LRRC4C: variants seen among roughly 807,000 people sequenced by gnomAD.
LRRC4C encodes the protein leucine-rich repeat-containing protein 4C.
Under a neutral mutation model 33.6 loss-of-function variants are expected in LRRC4C, and 5 were observed. The ratio of observed to expected loss-of-function variants is 0.15; its 90% CI spans 0.08 to 0.31. The LOEUF is 0.31. Ranked by LOEUF, LRRC4C falls within the 10% of genes least tolerant of loss-of-function variation. LRRC4C has a pLI of 1.00. For synonymous variants in LRRC4C, 329 were observed against 302.0 expected (o/e 1.09, Z -0.93); for missense variants, 560 against 796.7 (o/e 0.70, Z 3.58).
At chr11:40,614,570 T>G (rs1274615370) in intron 3 of LRRC4C, among the ~76,000 whole-genome samples, 2 of 151,738 alleles carry the variant, frequency 1.3e-5, no homozygotes, top group Non-Finnish European at 3.0e-5. Flanking sequence ...TCAACGACTT[T>G]TTTTTTTCTA....
intron 1 of LRRC4C, among the ~76,000 whole-genome samples, chr11:41,442,468 T>TTTTTTTTTTTTTTTTTTTTTTTTTTTTC (rs1955658506): frequency 9.4e-6 from 1 of 106,534 alleles, no homozygotes; most frequent in Non-Finnish European, 1.9e-5. Context: ...CTTTTTTTTT[T>TTTTTTTTTTTTTTTTTTTTTTTTTTTTC]TTTTTTTTTT....
intron 1 of LRRC4C, among the ~76,000 whole-genome samples, chr11:41,304,768 T>TG (rs1950426215): frequency 1.2e-5 from 1 of 81,374 alleles, no homozygotes. Flanking sequence ...GGGAGGGAGG[T>TG]GGGGGGGTCA....
chr11:41,222,541 T>C (rs781057097), intron 1 of LRRC4C, among the ~76,000 whole-genome samples: 6 of 152,080 alleles, frequency 3.9e-5, no homozygotes, highest in Non-Finnish European at 7.4e-5. Flanking sequence ...GACTCCGATC[T>C]CACCAAGGGA....
intron 4 of LRRC4C, among the ~76,000 whole-genome samples, chr11:40,311,658 C>A (rs1945311252): frequency 6.6e-6 from 1 of 152,102 alleles, no homozygotes; most frequent in Non-Finnish European, 1.5e-5. Context: ...TTAAAATGTG[C>A]TTTTCTGACC....
At chr11:41,420,662 C>G (rs1191096810) in intron 1 of LRRC4C, among the ~76,000 whole-genome samples, 2 of 151,972 alleles carry the variant, frequency 1.3e-5, no homozygotes, top group Non-Finnish European at 2.9e-5. Flanking sequence ...ACATTAAAAT[C>G]CAGGATCCAG....
At chr11:40,274,131 A>C (rs890553726) in intron 4 of LRRC4C, among the ~76,000 whole-genome samples, 3 of 152,054 alleles carry the variant, frequency 2.0e-5, no homozygotes, top group Admixed American at 6.6e-5. Context: ...TGTGGTCACA[A>C]AGAATGGCAT....
At chr11:40,844,468 T>C (rs1953065020) in intron 2 of LRRC4C, among the ~76,000 whole-genome samples, 1 of 152,158 alleles carries the variant, frequency 6.6e-6, no homozygotes, top group African/African-American at 2.4e-5. Flanking sequence ...GGCCCTTCTC[T>C]TTCCTTTGGA....
intron 2 of LRRC4C, among the ~76,000 whole-genome samples, chr11:40,747,530 G>A (rs1446666580): frequency 1.3e-5 from 2 of 152,062 alleles, no homozygotes; most frequent in African/African-American, 2.4e-5. Context: ...ACCACCGAAG[G>A]AGCGTGATAA....
chr11:41,328,749 C>G (rs1416895279), intron 1 of LRRC4C, among the ~76,000 whole-genome samples: 2 of 152,200 alleles, frequency 1.3e-5, no homozygotes, highest in African/African-American at 2.4e-5. Context: ...ACATGTCTCT[C>G]TCAGATCTGT....
chr11:41,109,188 G>A (rs1258746411), intron 1 of LRRC4C, among the ~76,000 whole-genome samples: 1 of 151,740 alleles, frequency 6.6e-6, no homozygotes, highest in African/African-American at 2.4e-5. Context: ...CAGTCATTTA[G>A]TTACCCTGTA....
chr11:40,267,462 C>G (rs1361823447), intron 4 of LRRC4C, among the ~76,000 whole-genome samples: 1 of 152,170 alleles, frequency 6.6e-6, no homozygotes, highest in African/African-American at 2.4e-5. Context: ...CGCCATTCTC[C>G]TGCCTCAGCC....
chr11:41,357,041 C>T (rs1159987127), intron 1 of LRRC4C, among the ~76,000 whole-genome samples: 1 of 151,246 alleles, frequency 6.6e-6, no homozygotes, highest in Non-Finnish European at 1.5e-5. Flanking sequence ...TTGTTTAACC[C>T]AGAAATTAAA....
intron 1 of LRRC4C, among the ~76,000 whole-genome samples, chr11:41,128,148 A>G (rs1942837282): frequency 1.3e-5 from 2 of 152,106 alleles, no homozygotes; most frequent in African/African-American, 2.4e-5. Flanking sequence ...AAATAATTAG[A>G]AGACTATAAT....
chr11:40,859,338 C>T (rs979387518), intron 2 of LRRC4C, among the ~76,000 whole-genome samples: 3 of 151,288 alleles, frequency 2.0e-5, no homozygotes, highest in Admixed American at 6.6e-5. Context: ...ATAGAAAGTC[C>T]GTAGTAATGA....
intron 1 of LRRC4C, among the ~76,000 whole-genome samples, chr11:41,167,762 G>A (rs1213262856): frequency 6.6e-6 from 1 of 152,080 alleles, no homozygotes; most frequent in African/African-American, 2.4e-5. Context: ...AAAAAATCAT[G>A]AGCCTCACAC....
intron 2 of LRRC4C, among the ~76,000 whole-genome samples, chr11:40,712,212 GA>G (rs1421848469): frequency 6.6e-6 from 1 of 152,106 alleles, no homozygotes; most frequent in Non-Finnish European, 1.5e-5. Flanking sequence ...TTTTGAAAAG[GA>G]ATGTATCTCA....
intron 5 of LRRC4C, among the ~76,000 whole-genome samples, chr11:40,159,134 T>A (rs976475416): frequency 3.3e-5 from 5 of 152,138 alleles, no homozygotes; most frequent in Non-Finnish European, 7.4e-5. Flanking sequence ...TCGTTGTTTT[T>A]TTTGTACTCC....
intron 3 of LRRC4C, among the ~76,000 whole-genome samples, chr11:40,500,289 TATATACACACACAC>T (rs780385155): frequency 2.3e-3 from 191 of 83,610 alleles, no homozygotes; most frequent in African/African-American, 4.0e-3. Context: ...TATATATATA[TATATACACACACAC>T]ACACACACAC....
At chr11:40,838,620 A>T (rs201667869) in intron 2 of LRRC4C, among the ~76,000 whole-genome samples, 1 of 12,638 alleles carries the variant, frequency 7.9e-5, no homozygotes, top group Non-Finnish European at 3.4e-4. Context: ...TACACATAGA[A>T]AGAATTATTA....
Sources: allele counts gnomAD v4.1 joint callset (sites outside exome capture counted in the v4.1 genomes callset), GRCh38; gene constraint gnomAD v4.1.1; transcripts MANE v1.5; gene names NCBI Gene and HGNC (gene_info 2026-07-23, HGNC 2026-07-21).